Variants in TNK2 observed in about 807,000 individuals in gnomAD.
TNK2 encodes the protein tyrosine kinase non receptor 2.
TNK2 carries 83 observed loss-of-function variants against 101.8 expected under a neutral mutation model. The observed-to-expected ratio is 0.82, with a 90% CI of 0.68 to 0.98. TNK2 has a LOEUF of 0.98. Ranked by LOEUF, TNK2 falls within the 50% of genes least tolerant of loss-of-function variation. TNK2 has a pLI of 0.00. For synonymous variants in TNK2, 804 were observed against 633.0 expected, an observed-to-expected ratio of 1.27 and a Z score of -4.06; for missense variants, 1,665 against 1,483.2, an observed-to-expected ratio of 1.12 and a Z score of -2.01.
At chr3:195,903,972 A>C (rs1383131014) in intron 1 of TNK2, among the ~76,000 whole-genome samples, 1 of 152,212 alleles carries the variant, frequency 6.6e-6, no homozygotes, top group Admixed American at 6.5e-5. Flanking sequence ...TGGAAAGTAA[A>C]GTTTAAACAA....
In TNK2 at chr3:195,892,404, C is replaced by A. The variant is rs558958502; in HGVS notation, c.-18-3798G>T. 231 of 1,529,958 alleles carry A rather than the reference C, an allele frequency of 1.5e-4. No homozygotes were observed. The African/African-American group carries it at 2.5e-3, about 17-fold the overall frequency. 94.8% of individuals were successfully genotyped at this position (1,529,958 alleles called of 1,614,324 possible). A position where few individuals can be genotyped will look rare whatever the true frequency, so the allele number is the denominator to read the frequency against. On this transcript the variant is annotated intron_variant, in intron 1 of 15. Transcript: ENST00000672887. The stretch of plus-strand genomic sequence containing the variant: ...CCCCAGCAGTCCAGCCCCTGCCCCC[C>A]ACTCACTGTGTACAGGCGTCGCCGC...
Position 195,866,900 on chromosome 3 carries a change from A to G in TNK2, c.3150T>C (p.Pro1050=). 6.2e-7 allele frequency: 1 copy of G among 1,610,878 alleles called. No homozygotes were observed. Among genetic ancestry groups the G allele is most frequent in the African/African-American group, 1.3e-5 (1 of 75,010 alleles). Residue 1050 remains proline (P), a synonymous_variant, in exon 15 of 16, where the codon CCT becomes CCC. Transcript: ENST00000672887. ...TGGGGCTCACTCACTTGTGGTGGGC[A>G]GGGCCCCAGGAGCCCAGAAGGTGGC... The part of the protein sequence containing the change: ...AGCHLLGSWG[P]AHHKR
At chr3:195,872,593 T>C in intron 9 of TNK2, 123 bp from the exon 10 acceptor site, 1 of 1,043,926 alleles carries the variant, frequency 9.6e-7, no homozygotes, top group Non-Finnish European at 1.4e-6. Flanking sequence ...AGGACCAGGC[T>C]GTGTGCCACC....
In TNK2 at chr3:195,878,400, C is replaced by T; in HGVS notation, c.1161+46G>A. ...CTCTGGGACTGACGCCTGGGTAGCC[C>T]CTCAGCTTGAACACCCCAGCTCTCC... On this transcript the variant is annotated intron_variant, in intron 8 of 15. Coordinates refer to ENST00000672887, the MANE Select transcript of TNK2 (RefSeq NM_001382273.1). This position sits in a 1 kb window ranked among gnomAD's most constrained non-coding sequence, Gnocchi z 4.7. 6.2e-7 allele frequency: 1 copy of T among 1,613,904 alleles called. No individual in the cohort carries two copies. Among genetic ancestry groups the T allele is most frequent in the East Asian group, 2.2e-5 (1 of 44,876 alleles).
In TNK2 at chr3:195,867,465, G is replaced by A; in HGVS notation, c.2833C>T (p.Pro945Ser). 1 of 1,585,314 alleles carries A rather than the reference G, an allele frequency of 6.3e-7. No individual in the cohort carries two copies. The highest frequency in any genetic ancestry group is 1.1e-5 in the South Asian group (1 of 89,360). ...CTCGGGGGTGGTGGCCGGGCCCCTG[G>A]GTTGCTGTTGTTGGTGGAGAAGTTG... ...KANFSTNNSN[P>S]GARPPPPRAT... is the part of the protein sequence containing the mutation. The change falls in exon 13 of 16, where the codon CCA (proline) becomes TCA (serine). Residue 945 changes from proline (P) to serine (S), a missense_variant. Pro to Ser is a moderately conservative substitution (Grantham distance 74). Around this residue, in one of 3 missense-constraint regions of TNK2, gnomAD observed 1,136 missense variants for 894.9 expected, o/e 1.27. Coordinates refer to ENST00000672887, the MANE Select transcript of TNK2 (RefSeq NM_001382273.1).
At position 195,864,103 on chromosome 3, in the gene TNK2, G is replaced by A. The variant is rs916021761; in HGVS notation, c.*78C>T. On this transcript the variant is annotated 3_prime_UTR_variant, in exon 16 of 16. Transcript: ENST00000672887. Reference sequence around the variant, plus strand: ...CAGCGGGTCCTCCAGGACTGGATGGGGGCATCTCCCCACTCCTGGTGGACG... The same window carrying A: ...CAGCGGGTCCTCCAGGACTGGATGGAGGCATCTCCCCACTCCTGGTGGACG... 255 of 1,593,170 alleles carry A rather than the reference G, an allele frequency of 1.6e-4. No homozygotes were observed. The highest frequency in any genetic ancestry group is 2.1e-4 in the Non-Finnish European group (240 of 1,162,728).
chr3:195,895,485 G>A (rs1410354608), intron 1 of TNK2: 4 of 1,361,384 alleles, frequency 2.9e-6, no homozygotes, highest in South Asian at 1.8e-5. Context: ...GCCGGCGGCC[G>A]GGTGGTCGCG....
At chr3:195,864,401 G>A (rs910220531) in intron 15 of TNK2, among the ~76,000 whole-genome samples, 17 of 152,048 alleles carry the variant, frequency 1.1e-4, no homozygotes, top group African/African-American at 2.7e-4. Context: ...TAGAGAATCC[G>A]AAGACGACAG....
chr3:195,877,921 G>A (rs972769348), intron 9 of TNK2, among the ~76,000 whole-genome samples: 4 of 148,668 alleles, frequency 2.7e-5, no homozygotes, highest in South Asian at 4.1e-4. Flanking sequence ...GGAGAGAAGC[G>A]GGGAGGAGCA....
intron 9 of TNK2, among the ~76,000 whole-genome samples, chr3:195,873,757 G>T (rs1388909869): frequency 1.3e-5 from 2 of 152,142 alleles, no homozygotes; most frequent in East Asian, 3.9e-4. Flanking sequence ...CTGGAGCGGG[G>T]TGACTCCGGA....
rs759468328 is a variant in TNK2, at chr3:195,885,050, G to A, written c.235-17C>T. ...ACTGAACACCTGTTTGAAGGCAGCC[G>A]GGGGCCAGATGGAATCCAACACCCC... On this transcript the variant is annotated splice_polypyrimidine_tract_variant and intron_variant, in intron 3 of 15. Transcript: ENST00000672887. The surrounding 1 kb of genome is among the most constrained non-coding windows in gnomAD (Gnocchi z 4.7). 2.0e-5 allele frequency: 31 copies of A among 1,569,912 alleles called. No individual in the cohort carries two copies. The highest frequency in any genetic ancestry group is 3.5e-5 in the South Asian group (3 of 85,074).
chr3:195,876,355 A>G, intron 9 of TNK2: 1 of 453,586 alleles, frequency 2.2e-6, no homozygotes, highest in East Asian at 7.0e-5. Context: ...ACAGCTTCGC[A>G]AGTGGGAAGC....
intron 9 of TNK2, among the ~76,000 whole-genome samples, chr3:195,875,584 A>T (rs1284600156): frequency 6.6e-6 from 1 of 152,120 alleles, no homozygotes; most frequent in Non-Finnish European, 1.5e-5. Flanking sequence ...TGTGAGGCTC[A>T]GTGTGGCCGA....
intron 9 of TNK2, among the ~76,000 whole-genome samples, chr3:195,874,541 C>G (rs570644429): frequency 1.7e-4 from 25 of 144,754 alleles, no homozygotes; most frequent in South Asian, 8.9e-4. Flanking sequence ...AACTCCCCCT[C>G]GGGATGGCGC....
chr3:195,894,808 G>T, intron 1 of TNK2: 1 of 155,526 alleles, frequency 6.4e-6, no homozygotes, highest in South Asian at 2.0e-4. Flanking sequence ...GAGGAAGTGC[G>T]TTCTCTCCAA....
At chr3:195,864,229 G>C (rs1204288904) in intron 15 of TNK2, 42 bp from the exon 16 acceptor site, 1 of 1,613,612 alleles carries the variant, frequency 6.2e-7, no homozygotes, top group Middle Eastern at 1.7e-4. Flanking sequence ...ACAGTTTACA[G>C]AAGGTTCAGC....
chr3:195,907,859 T>C (rs1229155787), intron 1 of TNK2, among the ~76,000 whole-genome samples: 1 of 152,142 alleles, frequency 6.6e-6, no homozygotes, highest in Non-Finnish European at 1.5e-5. Flanking sequence ...CGCTGGGTCG[T>C]CCCACCCAGA....
chr3:195,897,888 C>T (rs1760807809), intron 1 of TNK2, among the ~76,000 whole-genome samples: 1 of 144,984 alleles, frequency 6.9e-6, no homozygotes, highest in Non-Finnish European at 1.5e-5. Flanking sequence ...ACTCATGTTT[C>T]CTTCTATTCT....
At chr3:195,906,083 T>C (rs900817667) in intron 1 of TNK2, among the ~76,000 whole-genome samples, 1 of 152,098 alleles carries the variant, frequency 6.6e-6, no homozygotes, top group Non-Finnish European at 1.5e-5. Context: ...CCCGACAACA[T>C]GAGTCATTAA....
Sources: allele counts gnomAD v4.1 joint callset (sites outside exome capture counted in the v4.1 genomes callset), GRCh38; gene constraint gnomAD v4.1.1; regional missense constraint gnomAD v4.1.1; non-coding constraint Gnocchi (gnomAD v3.1); transcripts MANE v1.5; gene names NCBI Gene and HGNC (gene_info 2026-07-23, HGNC 2026-07-21).